The following TEK variants were observed in gnomAD, a reference collection of about 807,000 sequenced individuals.
TEK encodes the protein TEK receptor tyrosine kinase, also known as angiopoietin-1 receptor.
A neutral mutation model predicts 131.8 loss-of-function variants in TEK; 43 were observed. That is an observed-to-expected ratio of 0.33 (90% CI 0.26 to 0.42). TEK has a LOEUF of 0.42. Ranked by LOEUF, TEK falls within the 10% of genes least tolerant of loss-of-function variation. The pLI, the probability that TEK is intolerant of heterozygous loss-of-function variation, is 1.00. For missense variants in TEK, 1,162 were observed against 1,384.4 expected (o/e 0.84, Z 2.55); for synonymous variants, 580 against 491.6 (o/e 1.18, Z -2.38).
intron 1 of TEK, among the ~76,000 whole-genome samples, chr9:27,139,413 C>T (rs557176778): frequency 2.8e-5 from 4 of 144,016 alleles, no homozygotes; most frequent in African/African-American, 5.1e-5. Flanking sequence ...ATGCATGCTC[C>T]GCCTCCTGGG....
At chr9:27,161,129 C>G (rs551643761) in intron 2 of TEK, among the ~76,000 whole-genome samples, 1 of 152,156 alleles carries the variant, frequency 6.6e-6, no homozygotes. Context: ...GTTAAAAACC[C>G]GCTGTAATGA....
At chr9:27,182,363 A>G (rs574918676) in intron 7 of TEK, among the ~76,000 whole-genome samples, 25 of 152,206 alleles carry the variant, frequency 1.6e-4, no homozygotes, top group Non-Finnish European at 3.2e-4. Flanking sequence ...GTGTCAAAAC[A>G]TGTTTTTCAA....
chr9:27,179,102 T>A (rs1824272157), intron 6 of TEK, among the ~76,000 whole-genome samples: 1 of 152,186 alleles, frequency 6.6e-6, no homozygotes. Flanking sequence ...AGATGTTTTG[T>A]CTCTTGGGTC....
At chr9:27,203,874 T>A (rs1321372036) in intron 13 of TEK, among the ~76,000 whole-genome samples, 1 of 152,266 alleles carries the variant, frequency 6.6e-6, no homozygotes, top group Non-Finnish European at 1.5e-5. Flanking sequence ...TAACTAAATC[T>A]GAAAACTTCT....
intron 1 of TEK, among the ~76,000 whole-genome samples, chr9:27,135,007 C>T (rs1015398980): frequency 3.3e-5 from 5 of 152,094 alleles, no homozygotes; most frequent in African/African-American, 1.2e-4. Flanking sequence ...GGTGGATCAC[C>T]TGACGTCAAG....
chr9:27,135,056 C>T (rs1318724134), intron 1 of TEK, among the ~76,000 whole-genome samples: 1 of 152,084 alleles, frequency 6.6e-6, no homozygotes, highest in Non-Finnish European at 1.5e-5. Flanking sequence ...GAAGTCCTGT[C>T]TCTACTAAAA....
chr9:27,191,840 G>C (rs1824834390), intron 10 of TEK: 2 of 425,438 alleles, frequency 4.7e-6, no homozygotes, highest in Non-Finnish European at 4.6e-6. Context: ...CCACAAAGTG[G>C]TCTTCTAAGA....
At chr9:27,141,207 C>G (rs1175535013) in intron 1 of TEK, among the ~76,000 whole-genome samples, 1 of 151,930 alleles carries the variant, frequency 6.6e-6, no homozygotes, top group East Asian at 1.9e-4. Context: ...TTTACACTTT[C>G]CTGTTTTTCC....
At chr9:27,154,040 T>G (rs1166566121) in intron 1 of TEK, among the ~76,000 whole-genome samples, 1 of 152,264 alleles carries the variant, frequency 6.6e-6, no homozygotes. Flanking sequence ...TATTTGGATG[T>G]AATTTGAAAT....
At chr9:27,181,264 A>G (rs1824361530) in intron 7 of TEK, among the ~76,000 whole-genome samples, 1 of 152,158 alleles carries the variant, frequency 6.6e-6, no homozygotes, top group African/African-American at 2.4e-5. Flanking sequence ...TTATGCCTTC[A>G]TGACATACCT....
intron 1 of TEK, among the ~76,000 whole-genome samples, chr9:27,118,507 A>G (rs1821655430): frequency 6.6e-6 from 1 of 152,106 alleles, no homozygotes; most frequent in Non-Finnish European, 1.5e-5. Context: ...GGTGGCACAC[A>G]CCTGTGGTCC....
At chr9:27,182,094 T>A (rs2131167415) in intron 7 of TEK, among the ~76,000 whole-genome samples, 1 of 152,288 alleles carries the variant, frequency 6.6e-6, no homozygotes, top group Non-Finnish European at 1.5e-5. Context: ...TACTAGGGGA[T>A]TGTATTGAAC....
At chr9:27,152,359 C>T (rs1823156935) in intron 1 of TEK, among the ~76,000 whole-genome samples, 1 of 151,244 alleles carries the variant, frequency 6.6e-6, no homozygotes, top group East Asian at 1.9e-4. Flanking sequence ...GATCAGGGAA[C>T]TGGGTAAATC....
chr9:27,148,476 C>T (rs1023895298), intron 1 of TEK, among the ~76,000 whole-genome samples: 4 of 152,204 alleles, frequency 2.6e-5, no homozygotes, highest in Non-Finnish European at 5.9e-5. Context: ...ATTGGTCTCT[C>T]ATCCTCTAGC....
At chr9:27,132,540 C>T (rs1055638235) in intron 1 of TEK, among the ~76,000 whole-genome samples, 6 of 151,922 alleles carry the variant, frequency 3.9e-5, no homozygotes, top group Admixed American at 1.3e-4. Flanking sequence ...ATTGGGACAC[C>T]GGGGCATTCA....
At chr9:27,130,352 C>G (rs1166191642) in intron 1 of TEK, among the ~76,000 whole-genome samples, 1 of 152,102 alleles carries the variant, frequency 6.6e-6, no homozygotes, top group Non-Finnish European at 1.5e-5. Flanking sequence ...AAAACCATCT[C>G]TTACCACACA....
intron 8 of TEK, among the ~76,000 whole-genome samples, chr9:27,184,664 T>C (rs983238108): frequency 1.3e-5 from 2 of 152,196 alleles, no homozygotes; most frequent in Non-Finnish European, 2.9e-5. Flanking sequence ...AACTTCTTAC[T>C]TAACATTGCC....
chr9:27,215,674 C>A (rs150295029), intron 18 of TEK, among the ~76,000 whole-genome samples: 1 of 151,820 alleles, frequency 6.6e-6, no homozygotes, highest in Non-Finnish European at 1.5e-5. Context: ...ATATCCATCC[C>A]GTCATCATGG....
At chr9:27,199,960 G>A (rs943587571) in intron 12 of TEK, among the ~76,000 whole-genome samples, 1 of 152,026 alleles carries the variant, frequency 6.6e-6, no homozygotes, top group Non-Finnish European at 1.5e-5. Flanking sequence ...TATTCTCTGT[G>A]TTTTTCCTAG....
Sources: allele counts gnomAD v4.1 joint callset (sites outside exome capture counted in the v4.1 genomes callset), GRCh38; gene constraint gnomAD v4.1.1; transcripts MANE v1.5; gene names NCBI Gene and HGNC (gene_info 2026-07-23, HGNC 2026-07-21).